The following ZNF91 variants were observed in gnomAD, a reference collection of about 807,000 sequenced individuals.
ZNF91 encodes the protein zinc finger protein 91.
ZNF91 carries 7 observed loss-of-function variants against 12.6 expected under a neutral mutation model. The ratio of observed to expected loss-of-function variants is 0.55; its 90% CI spans 0.31 to 1.04. ZNF91 has a LOEUF of 1.04. ZNF91 is among the 50% of genes least tolerant of loss of function. The probability of loss-of-function intolerance (pLI) is 0.05; values close to 1 mark genes in which losing one functional copy is unlikely to be tolerated. For missense variants in ZNF91, 1,217 were observed against 1,385.4 expected, an observed-to-expected ratio of 0.88 and a Z score of 1.93; for synonymous variants, 453 against 462.6, an observed-to-expected ratio of 0.98 and a Z score of 0.27.
chr19:23,368,550 C>CTATATATATA (rs1203874295), intron 3 of ZNF91, among the ~76,000 whole-genome samples: 8 of 68,412 alleles, frequency 1.2e-4, no homozygotes, highest in African/African-American at 5.1e-4. Context: ...CTCTCTCTCT[C>CTATATATATA]TCTCTCTCTC....
chr19:23,336,873 C>A (rs12981723), downstream of ZNF91, among the ~76,000 whole-genome samples: 28,646 of 152,006 alleles, frequency 0.19, 2,921 homozygotes, highest in Non-Finnish European at 0.21. Flanking sequence ...AGGTTCATGC[C>A]GTTCTCCTGC....
chr19:23,338,023 A>T (rs1968048328), downstream of ZNF91: 1 of 152,112 alleles, frequency 6.6e-6, no homozygotes, highest in Non-Finnish European at 1.5e-5. Flanking sequence ...ACTAAACTTT[A>T]AAATTATCAG....
intron 1 of ZNF91, among the ~76,000 whole-genome samples, chr19:23,376,857 TCTC>T (rs780555627): frequency 1.3e-5 from 2 of 152,198 alleles, no homozygotes; most frequent in Admixed American, 6.5e-5. Flanking sequence ...TTTTTCTCTT[TCTC>T]CTCCTCCTCT....
chr19:23,346,190 T>TA (rs1319943040), intron 3 of ZNF91, among the ~76,000 whole-genome samples: 43 of 151,782 alleles, frequency 2.8e-4, no homozygotes, highest in African/African-American at 9.9e-4. Context: ...TATATTAGAG[T>TA]TTCAGTACCT....
intron 1 of ZNF91, among the ~76,000 whole-genome samples, chr19:23,332,557 T>G (rs964473072): frequency 6.6e-6 from 1 of 152,108 alleles, no homozygotes; most frequent in African/African-American, 2.4e-5. Context: ...AAACAAATAC[T>G]AACTGAAAAT....
intron 3 of ZNF91, among the ~76,000 whole-genome samples, chr19:23,306,339 C>G (rs963430990): frequency 6.6e-6 from 1 of 152,218 alleles, no homozygotes; most frequent in African/African-American, 2.4e-5. Flanking sequence ...ACAGAACCTT[C>G]ATGATTTGAC....
intron 1 of ZNF91, among the ~76,000 whole-genome samples, chr19:23,394,225 C>A (rs554262548): frequency 6.6e-6 from 1 of 152,094 alleles, no homozygotes; most frequent in African/African-American, 2.4e-5. Flanking sequence ...AAAATCGTCC[C>A]CTTTTGAGTG....
intron 3 of ZNF91, among the ~76,000 whole-genome samples, chr19:23,343,149 T>C (rs1474550181): frequency 1.3e-5 from 2 of 152,220 alleles, no homozygotes; most frequent in Admixed American, 6.5e-5. Flanking sequence ...ATATACAGTT[T>C]TGAGTGCCAT....
In ZNF91 at chr19:23,373,387, A is replaced by ATAT. The variant is rs1568395319; in HGVS notation, c.253+354_253+355insATA. ...ATATATATATATATATATATATATAAATAAACAGTACTTTAAAACCTGTTT... is the reference window on the plus strand; with the variant it reads ...ATATATATATATATATATATATATAATATATAAACAGTACTTTAAAACCTGTTT... On this transcript the variant is annotated intron_variant, in intron 3 of 3. Transcript: ENST00000300619. 9.8e-3 allele frequency among the ~76,000 whole-genome samples: 763 copies of ATAT among 77,938 alleles called. 34 individuals are homozygous for ATAT. Among genetic ancestry groups the ATAT allele is most frequent in the Middle Eastern group, 0.033 (4 of 122 alleles). 51.1% of individuals were successfully genotyped at this position (77,938 alleles called of 152,430 possible).
chr19:23,343,202 A>G (rs1328305567), intron 3 of ZNF91, among the ~76,000 whole-genome samples: 1 of 152,216 alleles, frequency 6.6e-6, no homozygotes, highest in African/African-American at 2.4e-5. Context: ...TCTCATATGG[A>G]GAAGTCACAG....
intron 1 of ZNF91, among the ~76,000 whole-genome samples, chr19:23,389,419 C>T (rs1197504983): frequency 7.2e-6 from 1 of 139,188 alleles, no homozygotes; most frequent in Non-Finnish European, 1.6e-5. Flanking sequence ...AAAAAAAAAA[C>T]ACTAGGATCA....
At position 23,359,930 on chromosome 19, in the gene ZNF91, T is replaced by C; in HGVS notation, c.3049A>G (p.Thr1017Ala). 1 of 1,588,528 alleles carries C rather than the reference T, an allele frequency of 6.3e-7. No individual in the cohort carries two copies. The highest frequency in any genetic ancestry group is 1.7e-5 in the Admixed American group (1 of 58,806). Reference protein sequence around the residue: ...STLTRHTRMHTGEKPYKCEEC... With the variant: ...STLTRHTRMHAGEKPYKCEEC... ...TCACATTTGTATGGTTTCTCTCCAGTGTGCATCCTCGTATGTCTAGTTAGG... is the reference window on the plus strand; with the variant it reads ...TCACATTTGTATGGTTTCTCTCCAGCGTGCATCCTCGTATGTCTAGTTAGG... The change falls in exon 4 of 4, where the codon ACT becomes GCT. Residue 1017 changes from threonine to alanine, a missense_variant. Thr to Ala is a moderately conservative substitution (Grantham distance 58, BLOSUM62 0). Around this residue, in one of 2 missense-constraint regions of ZNF91, gnomAD observed 491 missense variants for 489.8 expected, o/e 1.00. Coordinates refer to ENST00000300619, the MANE Select transcript of ZNF91 (RefSeq NM_003430.4).
chr19:23,375,988 C>T (rs935632776), intron 1 of ZNF91, among the ~76,000 whole-genome samples: 7 of 152,144 alleles, frequency 4.6e-5, no homozygotes, highest in African/African-American at 1.2e-4. Flanking sequence ...AGGTATCTTC[C>T]GTGTTCTACA....
rs1249753010 is a variant in ZNF91 at position 23,362,040 on chromosome 19, C to G, written c.939G>C (p.Lys313Asn). ...FSHSSTLAKH[K>N]RIHTGEKPYK... is the part of the protein sequence containing the mutation. ...AGGGTTTCTCTCCAGTATGAATTCT[C>G]TTATGTTTAGCAAGGGTTGAAGAAT... Residue 313 changes from lysine (K) to asparagine (N), a missense_variant, in exon 4 of 4, where the codon AAG becomes AAC. Lys to Asn is a moderately conservative substitution (Grantham distance 94, BLOSUM62 0). Around this residue, in one of 2 missense-constraint regions of ZNF91, gnomAD observed 726 missense variants for 895.5 expected, o/e 0.81. Transcript: ENST00000300619. 1 of 1,613,776 alleles carries G rather than the reference C, an allele frequency of 6.2e-7. No homozygotes were observed. Among genetic ancestry groups the G allele is most frequent in the Non-Finnish European group, 8.5e-7 (1 of 1,179,912 alleles).
chr19:23,305,893 C>T (rs1599675678), intron 3 of ZNF91, among the ~76,000 whole-genome samples: 1 of 152,326 alleles, frequency 6.6e-6, no homozygotes, highest in Non-Finnish European at 1.5e-5. Context: ...GAAAGTGAAG[C>T]TTTGTCTATA....
chr19:23,355,794 G>C (rs774481373), downstream of ZNF91, among the ~76,000 whole-genome samples: 3 of 151,856 alleles, frequency 2.0e-5, no homozygotes, highest in Non-Finnish European at 4.4e-5. Flanking sequence ...ACAAACTCAA[G>C]CAAATCAGTA....
rs1045191853 is a variant in ZNF91, at chr19:23,331,524, C to T, written n.117-22427G>A. 3.9e-5 allele frequency among the ~76,000 whole-genome samples: 6 copies of T among 152,286 alleles called. No homozygotes were observed. The South Asian group carries it at 8.3e-4, about 21-fold the overall frequency. On this transcript the variant is annotated intron_variant and non_coding_transcript_variant, in intron 1 of 1. Transcript: ENST00000596528. The stretch of plus-strand genomic sequence containing the variant: ...TTCTTCAGGAAAGCGGATGCTGTGC[C>T]TCAGAATGAGAGTGTGTGTGTATGT...
intron 1 of ZNF91, among the ~76,000 whole-genome samples, chr19:23,384,107 T>TA (rs1227567938): frequency 6.6e-6 from 1 of 151,392 alleles, no homozygotes; most frequent in Non-Finnish European, 1.5e-5. Context: ...AAACTCCATC[T>TA]AAAAAAAAAT....
chr19:23,350,485 C>T (rs138520155), intron 3 of ZNF91, among the ~76,000 whole-genome samples: 10 of 152,260 alleles, frequency 6.6e-5, no homozygotes, highest in African/African-American at 1.2e-4. Context: ...GATACCAACC[C>T]GTCTCTCAAG....
Sources: allele counts gnomAD v4.1 joint callset (sites outside exome capture counted in the v4.1 genomes callset), GRCh38; gene constraint gnomAD v4.1.1; regional missense constraint gnomAD v4.1.1; transcripts MANE v1.5; gene names NCBI Gene and HGNC (gene_info 2026-07-23, HGNC 2026-07-21).